Variants in SLC37A1 observed in about 807,000 individuals in gnomAD.
SLC37A1 encodes glucose-6-phosphate exchanger SLC37A1.
In SLC37A1, 49 loss-of-function variants were observed where a neutral mutation model predicts 75.3. The observed-to-expected ratio is 0.65, with a 90% CI of 0.52 to 0.83. The LOEUF (loss-of-function observed/expected upper bound fraction) is 0.83, where lower values mean the gene tolerates loss of function less well. SLC37A1 is among the 40% of genes least tolerant of loss of function. SLC37A1 has a pLI of 0.00. For synonymous variants in SLC37A1, 268 were observed against 292.1 expected (o/e 0.92, Z 0.84); for missense variants, 566 against 695.0 (o/e 0.81, Z 2.09).
chr21:42,513,345 T>A (rs1004451017), upstream of SLC37A1, among the ~76,000 whole-genome samples: 1 of 152,228 alleles, frequency 6.6e-6, no homozygotes, highest in South Asian at 2.1e-4. Context: ...GCTTACAAGT[T>A]GGTTCGACAT....
chr21:42,562,544 C>G (rs1377229802), intron 12 of SLC37A1, among the ~76,000 whole-genome samples: 1 of 152,198 alleles, frequency 6.6e-6, no homozygotes, highest in Non-Finnish European at 1.5e-5. Flanking sequence ...CTCTGATACT[C>G]TGACCTGGAA....
At chr21:42,533,973 A>G (rs1335369188) in intron 3 of SLC37A1, among the ~76,000 whole-genome samples, 1 of 152,216 alleles carries the variant, frequency 6.6e-6, no homozygotes, top group Non-Finnish European at 1.5e-5. Context: ...AAATTGAGGT[A>G]TGATTTACAC....
rs577081845 is a variant in SLC37A1 at position 42,524,015 on chromosome 21, G to A, written c.57-1761G>A. Among the ~76,000 whole-genome samples the A allele has an allele frequency of 4.0e-4, 61 of 152,184 alleles. 1 individual carries two copies. The South Asian group carries it at 0.011, about 26-fold the overall frequency. On this transcript the variant is annotated intron_variant, in intron 2 of 19. Coordinates refer to ENST00000352133, the MANE Select transcript of SLC37A1 (RefSeq NM_001320537.2). ...TAGTTACTTGTGGAAAGCTTCCCTC[G>A]GAGTAAATCACAACATTAAAAATGT...
At chr21:42,565,616 C>G (rs1318133518) in intron 14 of SLC37A1, among the ~76,000 whole-genome samples, 1 of 152,200 alleles carries the variant, frequency 6.6e-6, no homozygotes, top group Non-Finnish European at 1.5e-5. Flanking sequence ...CCCCAGGTCG[C>G]CTGGGGTGCT....
At chr21:42,551,724 A>G (rs2055561472) in intron 9 of SLC37A1, among the ~76,000 whole-genome samples, 1 of 152,212 alleles carries the variant, frequency 6.6e-6, no homozygotes, top group South Asian at 2.1e-4. Flanking sequence ...AGCAAGGCCT[A>G]GGCAAGGTCC....
intron 5 of SLC37A1, among the ~76,000 whole-genome samples, chr21:42,537,065 G>A (rs2055158106): frequency 1.3e-5 from 2 of 152,218 alleles, no homozygotes; most frequent in South Asian, 2.1e-4. Context: ...TGCCCAGAGT[G>A]TAGGATCATC....
At position 42,545,995 on chromosome 21, in the gene SLC37A1, G is replaced by A. The variant is rs1476518771; in HGVS notation, c.731-1108G>A. 5.3e-5 allele frequency among the ~76,000 whole-genome samples: 8 copies of A among 152,208 alleles called. No homozygotes were observed. Among genetic ancestry groups the A allele is most frequent in the Non-Finnish European group, 2.9e-5 (2 of 68,032 alleles). Reference sequence around the variant, plus strand: ...CCTCGAGGCCAGCAGGAGTGTGCTCGGCAGCTGCATGTCCCTCTATGATGT... The same window carrying A: ...CCTCGAGGCCAGCAGGAGTGTGCTCAGCAGCTGCATGTCCCTCTATGATGT... On this transcript the variant is annotated intron_variant, in intron 8 of 19. Transcript: ENST00000352133. The surrounding 1 kb of genome is among the most constrained non-coding windows in gnomAD (Gnocchi z 4.0).
At chr21:42,515,466 T>C (rs977719764) in intron 1 of SLC37A1, among the ~76,000 whole-genome samples, 2 of 152,188 alleles carry the variant, frequency 1.3e-5, no homozygotes, top group Non-Finnish European at 2.9e-5. Context: ...GGAACCTTAC[T>C]CCTGCTATTG....
chr21:42,567,072 G>A lies in SLC37A1; in HGVS notation c.1344+14G>A. 1 of 1,608,256 alleles carries A rather than the reference G, an allele frequency of 6.2e-7. No individual in the cohort carries two copies. The stretch of plus-strand genomic sequence containing the variant: ...TCCGCCGACCTGGTGAGTAGAACCG[G>A]GAGAGACACCAGCCCTGTGGGCACC... On this transcript the variant is annotated intron_variant, in intron 16 of 19. Coordinates refer to ENST00000352133, the MANE Select transcript of SLC37A1 (RefSeq NM_001320537.2).
intron 3 of SLC37A1, among the ~76,000 whole-genome samples, chr21:42,530,654 A>ACACACACACACACCCCCC (rs1161313598): frequency 2.2e-4 from 8 of 35,878 alleles, no homozygotes; most frequent in Admixed American, 3.6e-4. Flanking sequence ...ACACACACAC[A>ACACACACACACACCCCCC]CCCCCTCTGT....
chr21:42,578,262 C>T (rs1601791346), intron 18 of SLC37A1, among the ~76,000 whole-genome samples: 2 of 152,306 alleles, frequency 1.3e-5, no homozygotes, highest in East Asian at 1.9e-4. Context: ...CAGTGCGTGT[C>T]GCCTGGGCTC....
At chr21:42,516,245 T>A (rs1315465403) in intron 1 of SLC37A1, among the ~76,000 whole-genome samples, 2 of 152,230 alleles carry the variant, frequency 1.3e-5, no homozygotes, top group African/African-American at 4.8e-5. Flanking sequence ...CTGCTGCCCT[T>A]TCTCTGCAGG....
At chr21:42,541,460 G>A (rs1006810266) in intron 6 of SLC37A1, among the ~76,000 whole-genome samples, 4 of 152,162 alleles carry the variant, frequency 2.6e-5, no homozygotes, top group East Asian at 1.9e-4. Context: ...CCCTGGTTTC[G>A]TGCAGTCTTG....
chr21:42,577,569 G>A (rs1302934580), intron 18 of SLC37A1, among the ~76,000 whole-genome samples: 1 of 152,188 alleles, frequency 6.6e-6, no homozygotes, highest in African/African-American at 2.4e-5. Context: ...CAAGCCAATA[G>A]CAATAGAATG....
intron 2 of SLC37A1, among the ~76,000 whole-genome samples, chr21:42,525,574 T>C (rs925533539): frequency 1.3e-5 from 2 of 152,258 alleles, no homozygotes; most frequent in African/African-American, 4.8e-5. Context: ...TCTCTTACAG[T>C]GTTCAGTTTC....
intron 2 of SLC37A1, among the ~76,000 whole-genome samples, chr21:42,521,016 C>T (rs375901839): frequency 1.1e-4 from 17 of 152,186 alleles, no homozygotes; most frequent in African/African-American, 1.9e-4. Flanking sequence ...GCACGCTCGC[C>T]GTACAGTGGA....
rs776771175 is a variant in SLC37A1 at position 42,535,533 on chromosome 21, C to A, written c.333C>A (p.Ala111=). Residue 111 remains alanine, a synonymous_variant, in exon 5 of 20, where the codon GCC becomes GCA. Coordinates refer to ENST00000352133, the MANE Select transcript of SLC37A1 (RefSeq NM_001320537.2). ...ACTACTCCTTCCTGTGCGCCTATGC[C>A]GTGGGGATGTACCTCAGGTAGGTCT... The part of the protein sequence containing the change: ...ALDYSFLCAY[A]VGMYLSGIIG... The A allele has an allele frequency of 6.2e-7, 1 of 1,614,138 alleles. No homozygotes were observed. The highest frequency in any genetic ancestry group is 8.5e-7 in the Non-Finnish European group (1 of 1,179,986).
intron 6 of SLC37A1, among the ~76,000 whole-genome samples, chr21:42,540,290 C>T (rs1420826755): frequency 6.6e-6 from 1 of 152,168 alleles, no homozygotes; most frequent in Non-Finnish European, 1.5e-5. Flanking sequence ...GGCTCAGGGC[C>T]AGGGTTAGTT....
chr21:42,526,520 C>G (rs182706488), intron 3 of SLC37A1, among the ~76,000 whole-genome samples: 19 of 152,344 alleles, frequency 1.2e-4, no homozygotes, highest in Admixed American at 1.2e-3. Flanking sequence ...TGGCCCCTCG[C>G]TCACTCTCCG....
Sources: gnomAD v4.1 joint callset for allele counts (sites outside exome capture counted in the v4.1 genomes callset) on GRCh38, gnomAD v4.1.1 for gene constraint, Gnocchi (gnomAD v3.1) non-coding constraint, MANE v1.5 for transcripts, NCBI Gene and HGNC (gene_info 2026-07-23, HGNC 2026-07-21) for gene names.